Variants in ZNF804A observed in about 807,000 individuals in gnomAD.
ZNF804A encodes zinc finger protein 804A.
In ZNF804A, 2 loss-of-function variants were observed where a neutral mutation model predicts 16.5. The ratio of observed to expected loss-of-function variants is 0.12; its 90% CI spans 0.05 to 0.38. The LOEUF is 0.38. Ranked by LOEUF, ZNF804A falls within the 10% of genes least tolerant of loss-of-function variation. The pLI, the probability that ZNF804A is intolerant of heterozygous loss-of-function variation, is 0.99. For missense variants in ZNF804A, 1,473 were observed against 1,390.7 expected, an observed-to-expected ratio of 1.06 and a Z score of -0.94; for synonymous variants, 534 against 489.6, an observed-to-expected ratio of 1.09 and a Z score of -1.20.
Position 184,886,495 on chromosome 2 carries a change from G to A in ZNF804A, c.255+19983G>A, listed in dbSNP as rs115718765. On this transcript the variant is annotated intron_variant, in intron 2 of 3. Transcript: ENST00000302277. Reference sequence around the variant, plus strand: ...TAGGCGGTGCCCCAGTAGGGACACCGTGTGGGGGCTCCAATCCCACATTCC... The same window carrying A: ...TAGGCGGTGCCCCAGTAGGGACACCATGTGGGGGCTCCAATCCCACATTCC... Among the ~76,000 whole-genome samples, 1,276 of 152,344 alleles carry A rather than the reference G, an allele frequency of 8.4e-3. 11 individuals carry two copies. The highest frequency in any genetic ancestry group is 0.051 in the Middle Eastern group (15 of 294).
chr2:184,875,720 T>A (rs1363189510), intron 2 of ZNF804A, among the ~76,000 whole-genome samples: 2 of 142,936 alleles, frequency 1.4e-5, no homozygotes, highest in Non-Finnish European at 3.0e-5. Context: ...ATAATTAAAA[T>A]AGTTCTCAGT....
chr2:184,689,725 T>C (rs1692699328), intron 1 of ZNF804A, among the ~76,000 whole-genome samples: 1 of 152,056 alleles, frequency 6.6e-6, no homozygotes, highest in Non-Finnish European at 1.5e-5. Flanking sequence ...CCTGTTTAGA[T>C]TGAAAGTTCT....
intron 1 of ZNF804A, among the ~76,000 whole-genome samples, chr2:184,704,300 G>T (rs1057061361): frequency 3.3e-5 from 5 of 151,834 alleles, no homozygotes; most frequent in African/African-American, 4.8e-5. Flanking sequence ...TTATAGGCAT[G>T]CTCCAACATG....
chr2:184,656,126 C>T (rs772529882), intron 1 of ZNF804A, among the ~76,000 whole-genome samples: 2 of 151,880 alleles, frequency 1.3e-5, no homozygotes, highest in Non-Finnish European at 1.5e-5. Flanking sequence ...TTTCCTTTGT[C>T]GGTAGAATTT....
chr2:184,784,970 A>G (rs1694425105), intron 1 of ZNF804A, among the ~76,000 whole-genome samples: 1 of 151,966 alleles, frequency 6.6e-6, no homozygotes, highest in Non-Finnish European at 1.5e-5. Context: ...TTCCCTACCT[A>G]TTGATCCCCT....
At chr2:184,739,522 T>G (rs962140789) in intron 1 of ZNF804A, among the ~76,000 whole-genome samples, 1 of 152,148 alleles carries the variant, frequency 6.6e-6, no homozygotes, top group East Asian at 1.9e-4. Context: ...GCCTCCTTAG[T>G]AGCTGGGACT....
At chr2:184,934,903 A>G (rs568274433) in intron 3 of ZNF804A, among the ~76,000 whole-genome samples, 1 of 152,284 alleles carries the variant, frequency 6.6e-6, no homozygotes, top group South Asian at 2.1e-4. Context: ...ATAAAGCTAA[A>G]TGAAGCAATA....
At chr2:184,718,429 C>T (rs996004179) in intron 1 of ZNF804A, among the ~76,000 whole-genome samples, 1 of 152,134 alleles carries the variant, frequency 6.6e-6, no homozygotes, top group African/African-American at 2.4e-5. Context: ...AAAGATTTAA[C>T]TCATTTCAGC....
At chr2:184,732,292 C>T (rs1693533730) in intron 1 of ZNF804A, among the ~76,000 whole-genome samples, 1 of 151,536 alleles carries the variant, frequency 6.6e-6, no homozygotes, top group Non-Finnish European at 1.5e-5. Flanking sequence ...TACTAGCATA[C>T]TTTGTTGAAA....
intron 1 of ZNF804A, among the ~76,000 whole-genome samples, chr2:184,840,915 A>G (rs1199739854): frequency 1.3e-5 from 2 of 152,098 alleles, no homozygotes; most frequent in East Asian, 3.9e-4. Context: ...CCATTTCTTG[A>G]CCATATTCAG....
At chr2:184,636,452 TGA>T (rs370660751) in intron 1 of ZNF804A, among the ~76,000 whole-genome samples, 18,243 of 113,206 alleles carry the variant, frequency 0.16, 2,001 homozygotes, top group Non-Finnish European at 0.19. Flanking sequence ...TGTGTGTGTG[TGA>T]GAGAGAGAGA....
intron 1 of ZNF804A, among the ~76,000 whole-genome samples, chr2:184,848,075 A>T (rs777325160): frequency 6.6e-6 from 1 of 151,934 alleles, no homozygotes; most frequent in Non-Finnish European, 1.5e-5. Context: ...GATTGACTCA[A>T]TCTTCAGCCC....
intron 1 of ZNF804A, among the ~76,000 whole-genome samples, chr2:184,788,429 A>T (rs1187389494): frequency 6.6e-6 from 1 of 151,970 alleles, no homozygotes; most frequent in Non-Finnish European, 1.5e-5. Context: ...CTTCGGGTAG[A>T]ATGGTAATTT....
At chr2:184,876,901 C>T (rs1189018371) in intron 2 of ZNF804A, among the ~76,000 whole-genome samples, 2 of 151,954 alleles carry the variant, frequency 1.3e-5, no homozygotes, top group Admixed American at 6.6e-5. Context: ...AAAAAGAATG[C>T]AAGAGATAAA....
At chr2:184,650,253 C>G (rs1691958688) in intron 1 of ZNF804A, among the ~76,000 whole-genome samples, 1 of 151,966 alleles carries the variant, frequency 6.6e-6, no homozygotes, top group South Asian at 2.1e-4. Context: ...TTGACAAAAT[C>G]CGAAATCCCT....
intron 1 of ZNF804A, among the ~76,000 whole-genome samples, chr2:184,803,369 C>T (rs1338858151): frequency 4.6e-5 from 7 of 151,970 alleles, no homozygotes; most frequent in Non-Finnish European, 1.0e-4. Context: ...ACTTTTGATA[C>T]CCCTTGCCTT....
chr2:184,931,973 A>G (rs776419737), intron 2 of ZNF804A, among the ~76,000 whole-genome samples: 70 of 152,214 alleles, frequency 4.6e-4, no homozygotes, highest in Non-Finnish European at 3.5e-4. Context: ...AAATGTCATC[A>G]GTCTTTTTGC....
At chr2:184,826,163 C>T (rs957848407) in intron 1 of ZNF804A, among the ~76,000 whole-genome samples, 9 of 152,088 alleles carry the variant, frequency 5.9e-5, no homozygotes, top group Non-Finnish European at 1.2e-4. Flanking sequence ...GGATTACAAG[C>T]ATGAGCAACC....
In ZNF804A at chr2:184,938,179, C is replaced by G; in HGVS notation, c.2783C>G (p.Ala928Gly). The G allele has an allele frequency of 1.2e-6, 2 of 1,614,080 alleles. No individual in the cohort carries two copies. The highest frequency in any genetic ancestry group is 1.7e-6 in the Non-Finnish European group (2 of 1,180,014). ...VCVASAPTKE[A>G]IDNTLLEHKE... ...GTAGCTAGTGCCCCAACAAAAGAAG[C>G]AATTGACAATACCCTGCTTGAACAC... Residue 928 changes from alanine to glycine, a missense_variant, in exon 4 of 4, where the codon GCA becomes GGA. Ala to Gly is a moderately conservative substitution (Grantham distance 60). Coordinates refer to ENST00000302277, the MANE Select transcript of ZNF804A (RefSeq NM_194250.2).
Sources: gnomAD v4.1 joint callset for allele counts (sites outside exome capture counted in the v4.1 genomes callset) on GRCh38, gnomAD v4.1.1 for gene constraint, MANE v1.5 for transcripts, NCBI Gene and HGNC (gene_info 2026-07-23, HGNC 2026-07-21) for gene names.